Variants in ATXN1 observed in about 807,000 individuals in gnomAD.
The protein encoded by ATXN1 is ataxin-1.
ATXN1 carries 8 observed loss-of-function variants against 56.4 expected under a neutral mutation model. The ratio of observed to expected loss-of-function variants is 0.14; its 90% CI spans 0.08 to 0.26. ATXN1 has a LOEUF of 0.26. ATXN1 is among the 10% of genes least tolerant of loss of function. The pLI is 1.00. For synonymous variants in ATXN1, 514 were observed against 494.6 expected (o/e 1.04, Z -0.52); for missense variants, 987 against 1,106.5 (o/e 0.89, Z 1.53).
intron 3 of ATXN1, among the ~76,000 whole-genome samples, chr6:16,587,516 A>G (rs1021861830): frequency 1.3e-5 from 2 of 152,264 alleles, no homozygotes; most frequent in African/African-American, 2.4e-5. Context: ...GGGTCCCACA[A>G]TAACTCTCCT....
chr6:16,331,010 T>G (rs2113420672), intron 6 of ATXN1, among the ~76,000 whole-genome samples: 1 of 151,664 alleles, frequency 6.6e-6, no homozygotes, highest in Non-Finnish European at 1.5e-5. Flanking sequence ...ACCCAGGTGT[T>G]TTTTTTTTGA....
intron 6 of ATXN1, among the ~76,000 whole-genome samples, chr6:16,332,474 G>T (rs1331065226): frequency 1.3e-5 from 2 of 152,210 alleles, no homozygotes. Context: ...TCTAGTTGCA[G>T]ACAACTGGCC....
At chr6:16,699,868 A>T (rs535860901) in intron 2 of ATXN1, among the ~76,000 whole-genome samples, 94 of 152,268 alleles carry the variant, frequency 6.2e-4, no homozygotes, top group African/African-American at 2.2e-3. Flanking sequence ...GCTCACGAAC[A>T]TTTTTTTAAT....
At chr6:16,646,785 C>G (rs547737221) in intron 3 of ATXN1, among the ~76,000 whole-genome samples, 11 of 152,364 alleles carry the variant, frequency 7.2e-5, no homozygotes, top group Non-Finnish European at 1.5e-4. Flanking sequence ...CACAGCATTG[C>G]TTCGCCTTCC....
chr6:16,384,779 G>GT (rs1344715879), intron 6 of ATXN1, among the ~76,000 whole-genome samples: 3 of 152,204 alleles, frequency 2.0e-5, no homozygotes, highest in Admixed American at 6.5e-5. Flanking sequence ...TGCCATGATT[G>GT]TAAGTTTCCT....
intron 4 of ATXN1, among the ~76,000 whole-genome samples, chr6:16,536,017 C>G (rs1761590852): frequency 1.3e-5 from 2 of 151,958 alleles, no homozygotes; most frequent in South Asian, 4.2e-4. Flanking sequence ...TTGACACCAG[C>G]CTGGCAAAAC....
At chr6:16,415,733 C>A (rs139550605) in intron 6 of ATXN1, among the ~76,000 whole-genome samples, 66 of 152,278 alleles carry the variant, frequency 4.3e-4, no homozygotes, top group African/African-American at 1.4e-3. Flanking sequence ...GCCTGTCTGG[C>A]GAAGACAAAG....
chr6:16,482,189 C>T (rs905163306), intron 6 of ATXN1, among the ~76,000 whole-genome samples: 2 of 152,090 alleles, frequency 1.3e-5, no homozygotes, highest in Non-Finnish European at 2.9e-5. Flanking sequence ...TGGCTCAGGC[C>T]CACACATGAG....
chr6:16,328,516 G>C lies in ATXN1; in HGVS notation c.-160-46C>G, dbSNP rs996645555. 1 of 944,824 alleles carries C rather than the reference G, an allele frequency of 1.1e-6. No homozygotes were observed. The highest frequency in any genetic ancestry group is 1.4e-6 in the Non-Finnish European group (1 of 707,072). 58.5% of individuals were successfully genotyped at this position (944,824 alleles called of 1,614,324 possible). A position where few individuals can be genotyped will look rare whatever the true frequency, so the allele number is the denominator to read the frequency against. ...GTGACAAAGGGAAAAGGAAAGGGAG[G>C]AGAAAGGGAAGGAGGGAAAGGACAT... On this transcript the variant is annotated intron_variant, in intron 6 of 7. Coordinates refer to ENST00000436367, the MANE Select transcript of ATXN1 (RefSeq NM_001128164.2). The surrounding 1 kb of genome is among the most constrained non-coding windows in gnomAD (Gnocchi z 6.2).
intron 6 of ATXN1, among the ~76,000 whole-genome samples, chr6:16,342,441 A>T (rs533290130): frequency 1.3e-5 from 2 of 152,270 alleles, no homozygotes; most frequent in African/African-American, 4.8e-5. Flanking sequence ...AAAATGATGC[A>T]GCTGCATGGA....
intron 2 of ATXN1, among the ~76,000 whole-genome samples, chr6:16,682,561 A>G (rs1202912722): frequency 6.6e-6 from 1 of 152,202 alleles, no homozygotes; most frequent in Non-Finnish European, 1.5e-5. Flanking sequence ...AAAGTCCTAA[A>G]GAACACTAAT....
intron 2 of ATXN1, among the ~76,000 whole-genome samples, chr6:16,731,189 G>A (rs186185680): frequency 2.0e-5 from 3 of 151,932 alleles, no homozygotes; most frequent in Admixed American, 1.3e-4. Flanking sequence ...CACAATCCAC[G>A]AGAAGCAGTT....
At chr6:16,336,496 A>G (rs1333830035) in intron 6 of ATXN1, among the ~76,000 whole-genome samples, 5 of 152,192 alleles carry the variant, frequency 3.3e-5, no homozygotes, top group Non-Finnish European at 7.3e-5. Flanking sequence ...AGGGGACCTC[A>G]GGCTCAGCAG....
At chr6:16,383,751 T>C (rs1228495616) in intron 6 of ATXN1, among the ~76,000 whole-genome samples, 2 of 152,192 alleles carry the variant, frequency 1.3e-5, no homozygotes, top group African/African-American at 2.4e-5. Flanking sequence ...TACTTTGACA[T>C]GGGGCACTCC....
intron 6 of ATXN1, among the ~76,000 whole-genome samples, chr6:16,417,179 G>T (rs1758927865): frequency 6.6e-6 from 1 of 152,120 alleles, no homozygotes; most frequent in Admixed American, 6.5e-5. Context: ...CTACAGGTAT[G>T]CATCACCATG....
intron 6 of ATXN1, among the ~76,000 whole-genome samples, chr6:16,346,651 C>T (rs544382960): frequency 6.6e-6 from 1 of 152,320 alleles, no homozygotes; most frequent in South Asian, 2.1e-4. Flanking sequence ...AATTTTCTCT[C>T]CCTCTTTTTT....
At chr6:16,347,183 C>T (rs1290437939) in intron 6 of ATXN1, among the ~76,000 whole-genome samples, 1 of 152,244 alleles carries the variant, frequency 6.6e-6, no homozygotes, top group Non-Finnish European at 1.5e-5. Flanking sequence ...CCCTGCTCCA[C>T]AGCGCCCAGT....
chr6:16,551,086 C>A (rs1009725398), intron 4 of ATXN1, among the ~76,000 whole-genome samples: 1 of 152,150 alleles, frequency 6.6e-6, no homozygotes, highest in African/African-American at 2.4e-5. Flanking sequence ...AGACATAACA[C>A]TGGAGATAAA....
chr6:16,512,451 A>G (rs1761101860), intron 5 of ATXN1, among the ~76,000 whole-genome samples: 1 of 152,148 alleles, frequency 6.6e-6, no homozygotes, highest in Non-Finnish European at 1.5e-5. Context: ...TTCTCTCTCA[A>G]TGAGGGGCCT....
Sources: allele counts gnomAD v4.1 joint callset (sites outside exome capture counted in the v4.1 genomes callset), GRCh38; gene constraint gnomAD v4.1.1; non-coding constraint Gnocchi (gnomAD v3.1); transcripts MANE v1.5; gene names NCBI Gene and HGNC (gene_info 2026-07-23, HGNC 2026-07-21).